Variants in DCC observed in about 807,000 individuals in gnomAD.
DCC encodes DCC netrin 1 receptor, also known as netrin receptor DCC.
A neutral mutation model predicts 172.5 loss-of-function variants in DCC; 58 were observed. The observed-to-expected ratio is 0.34, with a 90% CI of 0.27 to 0.42. DCC has a LOEUF of 0.42. DCC is among the 10% of genes least tolerant of loss of function. The pLI is 1.00. For synonymous variants in DCC, 709 were observed against 644.5 expected (o/e 1.10, Z -1.52); for missense variants, 1,740 against 1,791.0 (o/e 0.97, Z 0.51).
chr18:52,889,360 G>A (rs949893023), intron 2 of DCC, among the ~76,000 whole-genome samples: 14 of 152,078 alleles, frequency 9.2e-5, no homozygotes, highest in Non-Finnish European at 1.8e-4. Flanking sequence ...ACAGAAAGAA[G>A]TAACGAATGA....
At chr18:53,514,547 A>G (rs374957821) in intron 27 of DCC, among the ~76,000 whole-genome samples, 3 of 152,174 alleles carry the variant, frequency 2.0e-5, no homozygotes, top group African/African-American at 7.2e-5. Flanking sequence ...TTGATAGACC[A>G]CTAGCATGAC....
chr18:53,014,351 A>G (rs923482357), intron 5 of DCC, among the ~76,000 whole-genome samples: 1 of 151,960 alleles, frequency 6.6e-6, no homozygotes, highest in African/African-American at 2.4e-5. Flanking sequence ...TTACATATGT[A>G]TACATGTGCC....
intron 5 of DCC, among the ~76,000 whole-genome samples, chr18:52,991,731 C>T (rs932277389): frequency 2.0e-4 from 30 of 152,272 alleles, no homozygotes; most frequent in African/African-American, 7.2e-4. Context: ...TTTATGGTAA[C>T]ATTCCTGCTT....
intron 12 of DCC, among the ~76,000 whole-genome samples, chr18:53,228,209 T>C (rs1346293362): frequency 6.6e-6 from 1 of 152,050 alleles, no homozygotes; most frequent in Non-Finnish European, 1.5e-5. Context: ...GATAATTCCC[T>C]TGATGAAATC....
At chr18:53,079,887 C>T (rs537766684) in intron 7 of DCC, among the ~76,000 whole-genome samples, 1 of 152,122 alleles carries the variant, frequency 6.6e-6, no homozygotes, top group African/African-American at 2.4e-5. Flanking sequence ...TTCTGTAAGG[C>T]TGTAGAGATA....
At chr18:52,535,431 T>C (rs558616012) in intron 1 of DCC, among the ~76,000 whole-genome samples, 2 of 152,332 alleles carry the variant, frequency 1.3e-5, no homozygotes, top group South Asian at 4.1e-4. Context: ...TTACTCATTG[T>C]ATCCCATTTT....
At chr18:53,218,141 G>T (rs1025745676) in intron 12 of DCC, among the ~76,000 whole-genome samples, 4 of 152,082 alleles carry the variant, frequency 2.6e-5, no homozygotes, top group African/African-American at 9.7e-5. Context: ...GAGTGACCAT[G>T]CTCAATTCAT....
At chr18:52,446,881 A>G (rs950412127) in intron 1 of DCC, among the ~76,000 whole-genome samples, 1 of 152,200 alleles carries the variant, frequency 6.6e-6, no homozygotes, top group Admixed American at 6.5e-5. Flanking sequence ...TTGGGTTTAT[A>G]TTACATTCGG....
chr18:52,436,871 G>A (rs1435448158), intron 1 of DCC, among the ~76,000 whole-genome samples: 2 of 152,176 alleles, frequency 1.3e-5, no homozygotes, highest in African/African-American at 2.4e-5. Context: ...AGTGAGCCGA[G>A]ATCATGCCAC....
intron 7 of DCC, among the ~76,000 whole-genome samples, chr18:53,096,822 T>G (rs983895436): frequency 6.6e-6 from 1 of 152,214 alleles, no homozygotes; most frequent in Non-Finnish European, 1.5e-5. Flanking sequence ...GATCCTCGTC[T>G]GTGATAGCAT....
At chr18:53,178,876 C>G in intron 8 of DCC, 86 bp from the exon 9 acceptor site, 1 of 1,448,534 alleles carries the variant, frequency 6.9e-7, no homozygotes, top group Non-Finnish European at 9.7e-7. Flanking sequence ...TTTTGGTTCA[C>G]CTCACTACTC....
chr18:53,185,497 C>T (rs2055266207), intron 9 of DCC, among the ~76,000 whole-genome samples: 1 of 152,118 alleles, frequency 6.6e-6, no homozygotes, highest in Non-Finnish European at 1.5e-5. Context: ...TTCAGTTTGT[C>T]AGTCACAATA....
chr18:53,322,796 A>G (rs893746803), intron 14 of DCC, among the ~76,000 whole-genome samples: 1 of 151,778 alleles, frequency 6.6e-6, no homozygotes, highest in African/African-American at 2.4e-5. Flanking sequence ...AAATTTTTAA[A>G]ATAAAATTTA....
chr18:53,138,604 C>A (rs530938613), intron 7 of DCC, among the ~76,000 whole-genome samples: 4 of 152,244 alleles, frequency 2.6e-5, no homozygotes, highest in African/African-American at 7.2e-5. Flanking sequence ...ACAGTGGTAG[C>A]TTTCTTAATT....
At chr18:52,556,274 T>C (rs2032911767) in intron 1 of DCC, among the ~76,000 whole-genome samples, 1 of 152,294 alleles carries the variant, frequency 6.6e-6, no homozygotes, top group South Asian at 2.1e-4. Context: ...CAACTTCCCG[T>C]AGAATCATTG....
chr18:52,707,332 T>C (rs139429769), intron 1 of DCC, among the ~76,000 whole-genome samples: 15 of 152,358 alleles, frequency 9.8e-5, no homozygotes, highest in African/African-American at 3.4e-4. Flanking sequence ...TCTTTTTCAT[T>C]ATACCTTTCT....
chr18:53,206,456 T>C (rs2144554793), intron 10 of DCC, among the ~76,000 whole-genome samples: 5 of 132,138 alleles, frequency 3.8e-5, no homozygotes, highest in South Asian at 2.3e-4. Flanking sequence ...TGTGTATATG[T>C]ATGTGTTATA....
Position 52,656,042 on chromosome 18 carries a change from A to G in DCC, c.92-96012A>G, listed in dbSNP as rs929445936. Among the ~76,000 whole-genome samples the G allele has an allele frequency of 2.4e-4, 35 of 143,650 alleles. No homozygotes were observed. The East Asian group carries it at 5.6e-3, about 23-fold the overall frequency. The allele number at this position is 143,650 out of a possible 152,430, so 94.2% of individuals were successfully genotyped here. A position where few individuals can be genotyped will look rare whatever the true frequency, so the allele number is the denominator to read the frequency against. ...TGTATATATATGTATATATGTGTGT[A>G]TATATATGTATATATGTGTATATAT... On this transcript the variant is annotated intron_variant, in intron 1 of 28. Coordinates refer to ENST00000442544, the MANE Select transcript of DCC (RefSeq NM_005215.4).
At chr18:52,845,523 C>A (rs187327860) in intron 2 of DCC, among the ~76,000 whole-genome samples, 2 of 152,206 alleles carry the variant, frequency 1.3e-5, no homozygotes, top group Admixed American at 6.5e-5. Flanking sequence ...ACCATGAAAA[C>A]CTCTAAACAA....
Sources: gnomAD v4.1 joint callset for allele counts (sites outside exome capture counted in the v4.1 genomes callset) on GRCh38, gnomAD v4.1.1 for gene constraint, MANE v1.5 for transcripts, NCBI Gene and HGNC (gene_info 2026-07-23, HGNC 2026-07-21) for gene names.